Variants in ZNF91 observed in about 807,000 individuals in gnomAD.
ZNF91 encodes zinc finger protein 91 (HPF7, HTF10).
A neutral mutation model predicts 12.6 loss-of-function variants in ZNF91; 7 were observed. The observed-to-expected ratio is 0.55, with a 90% CI of 0.31 to 1.04. The LOEUF is 1.04. Among genes scored for constraint, ZNF91 ranks in the 50% least tolerant of loss-of-function variants. The probability of loss-of-function intolerance (pLI) is 0.05; values close to 1 mark genes in which losing one functional copy is unlikely to be tolerated. For synonymous variants in ZNF91, 453 were observed against 462.6 expected, an observed-to-expected ratio of 0.98 and a Z score of 0.27; for missense variants, 1,217 against 1,385.4, an observed-to-expected ratio of 0.88 and a Z score of 1.93.
downstream of ZNF91, among the ~76,000 whole-genome samples, chr19:23,357,135 G>A (rs181614775): frequency 3.9e-5 from 6 of 152,312 alleles, no homozygotes; most frequent in East Asian, 1.2e-3. Context: ...GCTGAGGCAG[G>A]AGAACTGCTT....
In ZNF91 at chr19:23,360,676, T is replaced by G; in HGVS notation, c.2303A>C (p.Lys768Thr). ...TKHKRIHTRE[K>T]PFKCKECGKA... ...GCCACATTCTTTACATTTGAAGGGT[T>G]TCTCTCTAGTATGAATTCTTTTATG... Residue 768 changes from lysine (K) to threonine (T), a missense_variant, in exon 4 of 4, where the codon AAA becomes ACA. Coordinates refer to ENST00000300619, the MANE Select transcript of ZNF91 (RefSeq NM_003430.4). 1 of 1,613,936 alleles carries G rather than the reference T, an allele frequency of 6.2e-7. No homozygotes were observed. Among genetic ancestry groups the G allele is most frequent in the Non-Finnish European group, 8.5e-7 (1 of 1,179,902 alleles).
At chr19:23,367,445 A>G (rs975074167) in intron 3 of ZNF91, among the ~76,000 whole-genome samples, 1 of 152,194 alleles carries the variant, frequency 6.6e-6, no homozygotes, top group Non-Finnish European at 1.5e-5. Flanking sequence ...ATATTTTTGC[A>G]CAGGAATAAA....
At chr19:23,348,600 CAT>C (rs1314098592) in intron 3 of ZNF91, among the ~76,000 whole-genome samples, 6 of 152,126 alleles carry the variant, frequency 3.9e-5, no homozygotes, top group East Asian at 1.9e-4. Flanking sequence ...GTTTGTAAAA[CAT>C]GTGTGTTTGA....
downstream of ZNF91, chr19:23,338,303 G>C (rs76395279): frequency 3.9e-4 from 59 of 151,976 alleles, 3 homozygotes; most frequent in East Asian, 0.011. Context: ...AACCACATTA[G>C]ATTAAAAGCA....
chr19:23,382,104 T>C (rs1322193758), intron 1 of ZNF91, among the ~76,000 whole-genome samples: 2 of 151,418 alleles, frequency 1.3e-5, no homozygotes, highest in African/African-American at 4.9e-5. Flanking sequence ...ATTTGATTTA[T>C]ATATATTTCA....
intron 1 of ZNF91, among the ~76,000 whole-genome samples, chr19:23,388,963 C>A (rs1397481467): frequency 1.3e-5 from 2 of 152,050 alleles, no homozygotes; most frequent in Non-Finnish European, 2.9e-5. Flanking sequence ...AAAACATGAA[C>A]ACAGAGGGGA....
intron 1 of ZNF91, among the ~76,000 whole-genome samples, chr19:23,394,295 T>C (rs967280097): frequency 6.6e-5 from 10 of 152,158 alleles, no homozygotes; most frequent in Admixed American, 3.3e-4. Context: ...GGATTTCTAC[T>C]TCTAAAAATA....
chr19:23,323,614 T>C (rs1422216850), intron 1 of ZNF91, among the ~76,000 whole-genome samples: 4 of 119,110 alleles, frequency 3.4e-5, no homozygotes, highest in Non-Finnish European at 6.7e-5. Context: ...CCTCCTCCTT[T>C]TCTCTTCTCC....
chr19:23,342,937 G>A (rs1968153791), intron 3 of ZNF91, among the ~76,000 whole-genome samples: 1 of 152,030 alleles, frequency 6.6e-6, no homozygotes, highest in African/African-American at 2.4e-5. Flanking sequence ...AAATGGCCAT[G>A]GGCAGAATTG....
At chr19:23,339,242 CAG>C (rs984135640) in intron 3 of ZNF91, 16 of 151,992 alleles carry the variant, frequency 1.1e-4, no homozygotes, top group African/African-American at 3.9e-4. Flanking sequence ...TCAAATAAAA[CAG>C]ACTTTAAATT....
chr19:23,315,561 T>C (rs1367176343), upstream of ZNF91, among the ~76,000 whole-genome samples: 1 of 151,220 alleles, frequency 6.6e-6, no homozygotes, highest in Non-Finnish European at 1.5e-5. Flanking sequence ...TGACCTGACC[T>C]AGGTGATGTG....
intron 3 of ZNF91, among the ~76,000 whole-genome samples, chr19:23,341,850 T>C (rs1184243096): frequency 6.6e-6 from 1 of 152,186 alleles, no homozygotes; most frequent in African/African-American, 2.4e-5. Flanking sequence ...GCAGTTCCTC[T>C]AAAATACTCA....
chr19:23,395,218 G>T (rs1970192433), intron 1 of ZNF91, 107 bp downstream of exon 1: 2 of 1,396,572 alleles, frequency 1.4e-6, no homozygotes, highest in Middle Eastern at 3.7e-4. Context: ...CCCGGGCACG[G>T]ATTGTGGAGC....
At position 23,358,099 on chromosome 19, in the gene ZNF91, T is replaced by C. The variant is rs1308626083; in HGVS notation, c.*1304A>G. The C allele has an allele frequency of 2.6e-5, 4 of 152,268 alleles. No individual in the cohort carries two copies. The South Asian group carries it at 8.3e-4, about 32-fold the overall frequency. The allele number at this position is 152,268 out of a possible 1,614,324, so 9.4% of individuals were successfully genotyped here. Reference sequence around the variant, plus strand: ...TACCAAATAGTGTATTTTTACCATCTTTTACCTACACCCTTGAGTAAGGTG... The same window carrying C: ...TACCAAATAGTGTATTTTTACCATCCTTTACCTACACCCTTGAGTAAGGTG... On this transcript the variant is annotated 3_prime_UTR_variant, in exon 4 of 4. Transcript: ENST00000300619.
At chr19:23,311,554 G>A (rs1219243631), upstream of ZNF91, among the ~76,000 whole-genome samples, 3 of 152,114 alleles carry the variant, frequency 2.0e-5, no homozygotes, top group East Asian at 1.9e-4. Flanking sequence ...GTATTGTGAC[G>A]TATTTTTGCA....
At chr19:23,340,181 A>C (rs1968093090) in intron 3 of ZNF91, 1 of 152,138 alleles carries the variant, frequency 6.6e-6, no homozygotes, top group South Asian at 2.1e-4. Context: ...GAGGAAATAA[A>C]TAAAAATCAG....
intron 1 of ZNF91, among the ~76,000 whole-genome samples, chr19:23,316,652 C>G (rs764994916): frequency 6.6e-6 from 1 of 152,220 alleles, no homozygotes; most frequent in Admixed American, 6.5e-5. Flanking sequence ...CTTGGTCCAA[C>G]TAACAGTTGC....
In ZNF91 at chr19:23,359,967, G is replaced by A. The variant is rs1234936145; in HGVS notation, c.3012C>T (p.Ser1004=). 1 of 1,609,820 alleles carries A rather than the reference G, an allele frequency of 6.2e-7. No homozygotes were observed. The highest frequency in any genetic ancestry group is 2.2e-5 in the East Asian group (1 of 44,572). The part of the protein sequence containing the change: ...YKCEECGKAF[S]QSSTLTRHTR... ...TATGTCTAGTTAGGGTTGAGGATTG[G>A]CTAAATGCTTTGCCACATTCTTCAC... The change falls in exon 4 of 4, where the codon AGC becomes AGT. Residue 1004 remains serine (S), a synonymous_variant. Coordinates refer to ENST00000300619, the MANE Select transcript of ZNF91 (RefSeq NM_003430.4).
intron 3 of ZNF91, among the ~76,000 whole-genome samples, chr19:23,346,951 C>A (rs1968245893): frequency 6.6e-6 from 1 of 152,150 alleles, no homozygotes; most frequent in Non-Finnish European, 1.5e-5. Flanking sequence ...CTTGGCCACG[C>A]CAAAGATCCT....
Sources: allele counts gnomAD v4.1 joint callset (sites outside exome capture counted in the v4.1 genomes callset), GRCh38; gene constraint gnomAD v4.1.1; transcripts MANE v1.5; gene names NCBI Gene and HGNC (gene_info 2026-07-23, HGNC 2026-07-21).